Variants in ALDH16A1 observed in about 807,000 individuals in gnomAD.
ALDH16A1 encodes the protein aldehyde dehydrogenase 16 family member A1, also known as aldehyde dehydrogenase family 16 member A1.
ALDH16A1 carries 88 observed loss-of-function variants against 96.1 expected under a neutral mutation model. That is an observed-to-expected ratio of 0.92 (90% CI 0.77 to 1.09). The LOEUF (loss-of-function observed/expected upper bound fraction) is 1.09, where lower values mean the gene tolerates loss of function less well. Among genes scored for constraint, ALDH16A1 ranks in the 50% least tolerant of loss-of-function variants. The pLI is 0.00. For missense variants in ALDH16A1, 1,250 were observed against 1,112.6 expected (o/e 1.12, Z -1.76); for synonymous variants, 522 against 496.4 (o/e 1.05, Z -0.69).
rs757807226 is a variant in ALDH16A1, at chr19:49,468,589, C to T, written c.2124+23C>T. The stretch of plus-strand genomic sequence containing the variant: ...CAGGTATAGCCCCCTGCCTTCCTGC[C>T]TCTCCTCCCCGTAGCCTCAGGGCAG... On this transcript the variant is annotated intron_variant, in intron 15 of 16. Coordinates refer to ENST00000293350, the MANE Select transcript of ALDH16A1 (RefSeq NM_153329.4). The surrounding 1 kb of genome is among the most constrained non-coding windows in gnomAD (Gnocchi z 4.4). 10 of 1,598,934 alleles carry T rather than the reference C, an allele frequency of 6.3e-6. No individual in the cohort carries two copies. Among genetic ancestry groups the T allele is most frequent in the East Asian group, 2.2e-5 (1 of 44,828 alleles).
In ALDH16A1 at chr19:49,461,535, G is replaced by A; in HGVS notation, c.578-84G>A. The A allele has an allele frequency of 4.8e-6, 2 of 417,216 alleles. 1 individual carries two copies. The highest frequency in any genetic ancestry group is 7.8e-6 in the Non-Finnish European group (2 of 254,944). The allele number at this position is 417,216 out of a possible 1,614,324, so 25.8% of individuals were successfully genotyped here. A position where few individuals can be genotyped will look rare whatever the true frequency, so the allele number is the denominator to read the frequency against. Reference sequence around the variant, plus strand: ...TGGACTCCTGGGTCTGAGGGAGGAGGGGCTGGGGGTCCAGATTCCTGGGTC... The same window carrying A: ...TGGACTCCTGGGTCTGAGGGAGGAGAGGCTGGGGGTCCAGATTCCTGGGTC... On this transcript the variant is annotated intron_variant, in intron 5 of 16. Transcript: ENST00000293350.
At chr19:49,469,085 G>GT in intron 16 of ALDH16A1, 99 bp downstream of exon 16, 2 of 1,483,838 alleles carry the variant, frequency 1.3e-6, no homozygotes, top group Non-Finnish European at 1.8e-6. Context: ...ACTCCTGTTG[G>GT]TAAGGGGAGA....
chr19:49,461,457 A>G (rs1411507804), intron 5 of ALDH16A1, among the ~76,000 whole-genome samples, 162 bp from the exon 6 acceptor site: 1 of 12,880 alleles, frequency 7.8e-5, no homozygotes, highest in Non-Finnish European at 1.4e-4. Flanking sequence ...GGTCTGAGGG[A>G]GGAGGGGCTG....
chr19:49,460,501 G>A lies in ALDH16A1; in HGVS notation c.500-321G>A, dbSNP rs533305015. Reference sequence around the variant, plus strand: ...GCGATCTCGGCTCACTGGAACCTCCGCCTCCCGTGTTCAAGTGATTCTCCT... The same window carrying A: ...GCGATCTCGGCTCACTGGAACCTCCACCTCCCGTGTTCAAGTGATTCTCCT... On this transcript the variant is annotated intron_variant, in intron 4 of 16. Coordinates refer to ENST00000293350, the MANE Select transcript of ALDH16A1 (RefSeq NM_153329.4). Among the ~76,000 whole-genome samples the A allele has an allele frequency of 1.1e-4, 17 of 149,692 alleles. 1 individual carries two copies. Among genetic ancestry groups the A allele is most frequent in the African/African-American group, 1.5e-4 (6 of 40,730 alleles).
chr19:49,461,431 TGGGCCTGGACTCCGGGGTCTGAGGGAGGA>T (rs1568650860), intron 5 of ALDH16A1, among the ~76,000 whole-genome samples, 159 bp from the exon 6 acceptor site: 5 of 69,280 alleles, frequency 7.2e-5, no homozygotes, highest in Non-Finnish European at 1.1e-4. Flanking sequence ...GAGGAGGGGC[TGGGCCTGGACTCCGGGGTCTGAGGGAGGA>T]GGGGCTGGGG....
In ALDH16A1 at chr19:49,468,731, T is replaced by C; in HGVS notation, c.2125-133T>C. On this transcript the variant is annotated intron_variant, in intron 15 of 16. Transcript: ENST00000293350. The surrounding 1 kb of genome is among the most constrained non-coding windows in gnomAD (Gnocchi z 4.4). ...TCACTCCTTGGGGACCCAGTGCCCA[T>C]TCTTCACCCTAGGCCTGGGGCTTTC... is the stretch of plus-strand genomic sequence containing the variant. The C allele has an allele frequency of 7.3e-7, 1 of 1,361,568 alleles. No homozygotes were observed. Among genetic ancestry groups the C allele is most frequent in the Non-Finnish European group, 1.0e-6 (1 of 997,224 alleles). The allele number at this position is 1,361,568 out of a possible 1,614,324, so 84.3% of individuals were successfully genotyped here.
At position 49,463,878 on chromosome 19, in the gene ALDH16A1, T is replaced by G. The variant is rs1293133895; in HGVS notation, c.1123T>G (p.Ser375Ala). The G allele has an allele frequency of 6.2e-7, 1 of 1,613,262 alleles. No homozygotes were observed. The highest frequency in any genetic ancestry group is 1.3e-5 in the African/African-American group (1 of 74,842). ...GGTGTTCCAGGCTGGTGATGTGCCT[T>G]CGGAACGCCCATTCTATCCCCCAAC... is the stretch of plus-strand genomic sequence containing the variant. ...AQVFQAGDVPSERPFYPPTLV... is the reference protein window; with the variant it reads ...AQVFQAGDVPAERPFYPPTLV... The change falls in exon 9 of 17, where the codon TCG becomes GCG. Residue 375 changes from serine to alanine, a missense_variant. Transcript: ENST00000293350.
At chr19:49,453,518 C>A (rs1292423178) in intron 1 of ALDH16A1, 97 bp downstream of exon 1, 2 of 1,147,148 alleles carry the variant, frequency 1.7e-6, no homozygotes, top group South Asian at 1.5e-5. Flanking sequence ...GGTAGCTCAG[C>A]CGCTCCGCCT....
chr19:49,467,529 G>A (rs1568656882), intron 14 of ALDH16A1, among the ~76,000 whole-genome samples: 1 of 151,380 alleles, frequency 6.6e-6, no homozygotes. Context: ...CGAGTGGCTG[G>A]GACTACAGGT....
intron 1 of ALDH16A1, among the ~76,000 whole-genome samples, chr19:49,453,852 C>G (rs1849174444): frequency 6.6e-6 from 1 of 151,962 alleles, no homozygotes; most frequent in African/African-American, 2.4e-5. Flanking sequence ...CCAGAGCACC[C>G]CAGACCTCCT....
intron 12 of ALDH16A1, 67 bp downstream of exon 12, chr19:49,464,829 C>T (rs562142531): frequency 1.5e-5 from 24 of 1,602,722 alleles, no homozygotes; most frequent in South Asian, 1.0e-4. Flanking sequence ...CCTGTTTCCC[C>T]GTGGACTGGA....
chr19:49,454,975 G>C (rs1349159799), intron 1 of ALDH16A1, among the ~76,000 whole-genome samples: 2 of 150,930 alleles, frequency 1.3e-5, no homozygotes, highest in Admixed American at 1.3e-4. Flanking sequence ...AAAATTACCT[G>C]AGCGTGGTGG....
In ALDH16A1 at chr19:49,470,473, G is replaced by A; in HGVS notation, c.*6G>A. 1 of 1,553,924 alleles carries A rather than the reference G, an allele frequency of 6.4e-7. No individual in the cohort carries two copies. Among genetic ancestry groups the A allele is most frequent in the Non-Finnish European group, 8.7e-7 (1 of 1,152,790 alleles). On this transcript the variant is annotated 3_prime_UTR_variant, in exon 17 of 17. Transcript: ENST00000293350. Reference sequence around the variant, plus strand: ...GGCTGCCTATGGGGGACTGATGCCTGAGCGCCACCTACTGCATTTTGGACA... The same window carrying A: ...GGCTGCCTATGGGGGACTGATGCCTAAGCGCCACCTACTGCATTTTGGACA...
rs9941453 is a variant in ALDH16A1 at position 49,459,119 on chromosome 19, G to C, written c.320+33G>C. 1.3e-6 allele frequency: 2 copies of C among 1,593,212 alleles called. No homozygotes were observed. The highest frequency in any genetic ancestry group is 2.7e-5 in the African/African-American group (2 of 74,480). ...AGCTGAGGTGTGGACCCCGGGAGGC[G>C]GGGAACCCCAGCATCCACTCGAGAC... On this transcript the variant is annotated intron_variant, in intron 3 of 16. Transcript: ENST00000293350. This position sits in a 1 kb window ranked among gnomAD's most constrained non-coding sequence, Gnocchi z 4.1.
At chr19:49,457,706 C>A (rs2079113517) in intron 1 of ALDH16A1, among the ~76,000 whole-genome samples, 1 of 151,726 alleles carries the variant, frequency 6.6e-6, no homozygotes, top group Admixed American at 6.6e-5. Flanking sequence ...ACCTCCTGGG[C>A]TCAAGTGATC....
At chr19:49,454,472 G>T (rs1203190517) in intron 1 of ALDH16A1, among the ~76,000 whole-genome samples, 1 of 151,988 alleles carries the variant, frequency 6.6e-6, no homozygotes, top group African/African-American at 2.4e-5. Flanking sequence ...ATCCCCTGGG[G>T]GTCCTCAGAA....
At chr19:49,463,978 A>G (rs371652548) in intron 9 of ALDH16A1, 29 bp downstream of exon 9, 23 of 1,591,028 alleles carry the variant, frequency 1.4e-5, no homozygotes, top group Middle Eastern at 1.7e-4. Flanking sequence ...CAGAGCTCCT[A>G]CCCACCGCCA....
At chr19:49,466,878 CAAA>C (rs1166312824) in intron 14 of ALDH16A1, among the ~76,000 whole-genome samples, 1 of 148,458 alleles carries the variant, frequency 6.7e-6, no homozygotes, top group East Asian at 2.0e-4. Context: ...AAACAAAAAA[CAAA>C]AAATACCTGG....
In ALDH16A1 at chr19:49,453,258, C is replaced by A. The variant is rs1453362644; in HGVS notation, c.-74C>A. On this transcript the variant is annotated 5_prime_UTR_variant, in exon 1 of 17. Coordinates refer to ENST00000293350, the MANE Select transcript of ALDH16A1 (RefSeq NM_153329.4). ...CCCTTTGGGCTGGAACCGGAGGTGT[C>A]GCTCTTCGGACCTCAAGGTTCCCCT... 25 of 1,371,432 alleles carry A rather than the reference C, an allele frequency of 1.8e-5. No individual in the cohort carries two copies. The highest frequency in any genetic ancestry group is 9.0e-5 in the Admixed American group (4 of 44,376). The allele number at this position is 1,371,432 out of a possible 1,614,324, so 85.0% of individuals were successfully genotyped here.
Sources: allele counts gnomAD v4.1 joint callset (sites outside exome capture counted in the v4.1 genomes callset), GRCh38; gene constraint gnomAD v4.1.1; non-coding constraint Gnocchi (gnomAD v3.1); transcripts MANE v1.5; gene names NCBI Gene and HGNC (gene_info 2026-07-23, HGNC 2026-07-21).